Variants in DCAF5 observed in about 807,000 individuals in gnomAD.
DCAF5 encodes DDB1 and CUL4 associated factor 5.
Under a neutral mutation model 80.7 loss-of-function variants are expected in DCAF5, and 9 were observed. That is an observed-to-expected ratio of 0.11 (90% CI 0.07 to 0.19). The LOEUF (loss-of-function observed/expected upper bound fraction) is 0.19, where lower values mean the gene tolerates loss of function less well. DCAF5 is among the 10% of genes least tolerant of loss of function. The pLI is 1.00. For synonymous variants in DCAF5, 433 were observed against 461.9 expected (o/e 0.94, Z 0.80); for missense variants, 842 against 1,205.7 (o/e 0.70, Z 4.47).
At chr14:69,106,991 G>A (rs1002891809) in intron 5 of DCAF5, among the ~76,000 whole-genome samples, 3 of 152,116 alleles carry the variant, frequency 2.0e-5, no homozygotes, top group African/African-American at 7.2e-5. Flanking sequence ...GCAGTGAGCC[G>A]AGATTGCACC....
intron 1 of DCAF5, among the ~76,000 whole-genome samples, chr14:69,125,695 G>T (rs893498890): frequency 6.6e-6 from 1 of 152,096 alleles, no homozygotes; most frequent in Admixed American, 6.6e-5. Context: ...AATTCCACTG[G>T]AATATAAAAT....
chr14:69,122,198 G>A lies in DCAF5; in HGVS notation c.358+19C>T. 1 of 1,607,304 alleles carries A rather than the reference G, an allele frequency of 6.2e-7. No homozygotes were observed. The highest frequency in any genetic ancestry group is 8.5e-7 in the Non-Finnish European group (1 of 1,174,452). On this transcript the variant is annotated intron_variant, in intron 2 of 8. Transcript: ENST00000341516. ...TCCCAACCACAGTGACGTTCCCAAGGTAGAATCTCCCTTTTTACCTCCAGA... is the reference window on the plus strand; with the variant it reads ...TCCCAACCACAGTGACGTTCCCAAGATAGAATCTCCCTTTTTACCTCCAGA...
chr14:69,133,066 A>T (rs766766313), intron 1 of DCAF5, among the ~76,000 whole-genome samples: 35 of 152,250 alleles, frequency 2.3e-4, no homozygotes, highest in Non-Finnish European at 4.7e-4. Flanking sequence ...AACAACAGCT[A>T]ACATCAGTTA....
intron 5 of DCAF5, 62 bp from the exon 6 acceptor site, chr14:69,091,949 CAT>C (rs1363235021): frequency 9.8e-6 from 14 of 1,429,444 alleles, no homozygotes; most frequent in East Asian, 2.5e-5. Context: ...CTGAAAAACA[CAT>C]GTTTGCCTAT....
At chr14:69,097,582 A>ATTATTT (rs1555373458) in intron 5 of DCAF5, among the ~76,000 whole-genome samples, 2 of 125,294 alleles carry the variant, frequency 1.6e-5, no homozygotes, top group Non-Finnish European at 3.3e-5. Flanking sequence ...TATTATTATT[A>ATTATTT]TTTTTTTTTT....
intron 1 of DCAF5, among the ~76,000 whole-genome samples, chr14:69,137,565 T>C (rs2041233003): frequency 1.3e-5 from 2 of 152,172 alleles, no homozygotes; most frequent in African/African-American, 4.8e-5. Context: ...CTAAAAAGAC[T>C]GAATCAGTGA....
At position 69,055,226 on chromosome 14, in the gene DCAF5, C is replaced by A. The variant is rs139500055; in HGVS notation, c.1460G>T (p.Arg487Leu). ...GGCTACTGTGTTTGTGGTGGTGACC[C>A]GCAGGGGCCCCAGGTGGAAGGCGTT... The part of the protein sequence containing the change: ...ADNAFHLGPL[R>L]VTTTNTVAST... Residue 487 changes from arginine to leucine, a missense_variant, in exon 9 of 9, where the codon CGG becomes CTG. Arg to Leu is a moderately radical substitution (Grantham distance 102). Around this residue, in one of 5 missense-constraint regions of DCAF5, gnomAD observed 607 missense variants for 656.6 expected, o/e 0.92. Coordinates refer to ENST00000341516, the MANE Select transcript of DCAF5 (RefSeq NM_003861.3). The surrounding 1 kb of genome is among the most constrained non-coding windows in gnomAD (Gnocchi z 5.6). The A allele has an allele frequency of 5.6e-6, 9 of 1,614,146 alleles. No individual in the cohort carries two copies.
In DCAF5 at chr14:69,145,436, TTCAC is replaced by T. The variant is rs1443059046; in HGVS notation, c.214+7325_214+7328del. 5.9e-5 allele frequency among the ~76,000 whole-genome samples: 9 copies of T among 152,286 alleles called. No homozygotes were observed. The East Asian group carries it at 7.7e-4, about 13-fold the overall frequency. The stretch of plus-strand genomic sequence containing the variant: ...TAAATTAACTACTCAACTTTAAATA[TTCAC>T]TCAAAGATTATCTAAATTCATCTAA... On this transcript the variant is annotated intron_variant, in intron 1 of 8. Transcript: ENST00000341516.
chr14:69,096,329 T>G (rs998789303), intron 5 of DCAF5, among the ~76,000 whole-genome samples: 1 of 152,188 alleles, frequency 6.6e-6, no homozygotes, highest in African/African-American at 2.4e-5. Flanking sequence ...GGAAGACACA[T>G]TGCGATCTGT....
At chr14:69,091,164 T>C (rs2039520411) in intron 6 of DCAF5, 1 of 730,298 alleles carries the variant, frequency 1.4e-6, no homozygotes, top group Non-Finnish European at 2.5e-6. Flanking sequence ...ATGCTGGCAG[T>C]AAAAAGAAAA....
intron 5 of DCAF5, among the ~76,000 whole-genome samples, chr14:69,093,621 C>CAGCT (rs1001242566): frequency 1.3e-5 from 2 of 152,150 alleles, no homozygotes; most frequent in African/African-American, 4.8e-5. Context: ...AGTACAAAGG[C>CAGCT]AGCTGCCAAC....
Position 69,055,392 on chromosome 14 carries a change from A to T in DCAF5, c.1294T>A (p.Ser432Thr). The change falls in exon 9 of 9, where the codon TCT (serine) becomes ACT (threonine). Residue 432 changes from serine to threonine, a missense_variant. Coordinates refer to ENST00000341516, the MANE Select transcript of DCAF5 (RefSeq NM_003861.3). This position sits in a 1 kb window ranked among gnomAD's most constrained non-coding sequence, Gnocchi z 5.6. ...LVRREIEGWS[S>T]DSDSDLSEST... ...TCACTGAGGTCACTGTCTGAGTCAG[A>T]GCTCCAGCCCTCGATCTCTCGGCGT... 6.2e-7 allele frequency: 1 copy of T among 1,614,136 alleles called. No homozygotes were observed. Among genetic ancestry groups the T allele is most frequent in the Non-Finnish European group, 8.5e-7 (1 of 1,180,030 alleles).
At chr14:69,099,973 A>G (rs2039893526) in intron 5 of DCAF5, among the ~76,000 whole-genome samples, 1 of 152,198 alleles carries the variant, frequency 6.6e-6, no homozygotes, top group Non-Finnish European at 1.5e-5. Flanking sequence ...GTTCAAAAGG[A>G]AAATTATTTA....
rs367687713 is a variant in DCAF5 at position 69,152,872 on chromosome 14, C to T, written c.107G>A (p.Arg36Lys). Residue 36 changes from arginine (R) to lysine (K), a missense_variant, in exon 1 of 9, where the codon AGA becomes AAA. Physicochemically the swap from Arg to Lys is conservative, Grantham distance 26 (BLOSUM62 2). Around this residue, in one of 5 missense-constraint regions of DCAF5, gnomAD observed 142 missense variants for 311.9 expected, o/e 0.46. Transcript: ENST00000341516. This position sits in a 1 kb window ranked among gnomAD's most constrained non-coding sequence, Gnocchi z 4.1. ...DPLLTQDFQR[R>K]RLRGCRNLYK... is the part of the protein sequence containing the mutation. ...GAGGTTTCTGCAGCCCCGCAGGCGTCTCCTCTGAAAGTCCTGAGTGAGCAG... is the reference window on the plus strand; with the variant it reads ...GAGGTTTCTGCAGCCCCGCAGGCGTTTCCTCTGAAAGTCCTGAGTGAGCAG... 37 of 1,614,028 alleles carry T rather than the reference C, an allele frequency of 2.3e-5. No homozygotes were observed. The highest frequency in any genetic ancestry group is 3.1e-5 in the Non-Finnish European group (37 of 1,180,008).
chr14:69,063,586 C>T (rs1263354195), intron 7 of DCAF5, among the ~76,000 whole-genome samples: 1 of 152,224 alleles, frequency 6.6e-6, no homozygotes, highest in East Asian at 1.9e-4. Flanking sequence ...AGTCTCTGCT[C>T]CAAGTGCCTC....
intron 5 of DCAF5, among the ~76,000 whole-genome samples, chr14:69,100,146 C>T (rs61332233): frequency 1.3e-5 from 2 of 152,212 alleles, no homozygotes; most frequent in East Asian, 3.9e-4. Flanking sequence ...ATATGGATAT[C>T]AATAGGAAGA....
intron 5 of DCAF5, among the ~76,000 whole-genome samples, chr14:69,107,066 A>ATTAAAAAT (rs987820530): frequency 1.3e-5 from 2 of 151,912 alleles, no homozygotes; most frequent in African/African-American, 4.8e-5. Context: ...TAATTAAATA[A>ATTAAAAAT]TTAAATAAGA....
chr14:69,070,986 C>CA (rs1377706318), intron 7 of DCAF5, among the ~76,000 whole-genome samples: 2 of 152,038 alleles, frequency 1.3e-5, no homozygotes, highest in Non-Finnish European at 2.9e-5. Context: ...TTAGTAAAGA[C>CA]AGTGTTTCAC....
intron 5 of DCAF5, among the ~76,000 whole-genome samples, chr14:69,094,932 C>T (rs2039650701): frequency 6.6e-6 from 1 of 152,172 alleles, no homozygotes; most frequent in African/African-American, 2.4e-5. Context: ...CTGTGAGAAA[C>T]ATGATTCCAT....
Sources: gnomAD v4.1 joint callset for allele counts (sites outside exome capture counted in the v4.1 genomes callset) on GRCh38, gnomAD v4.1.1 for gene constraint, gnomAD v4.1.1 regional missense constraint, Gnocchi (gnomAD v3.1) non-coding constraint, MANE v1.5 for transcripts, NCBI Gene and HGNC (gene_info 2026-07-23, HGNC 2026-07-21) for gene names.